Variants in BLTP1 observed in about 807,000 individuals in gnomAD.
BLTP1 encodes the protein fragile site-associated protein.
At chr4:122,250,080 TTA>T in the BLTP1 span, 1 of 767,136 alleles carries the variant, frequency 1.3e-6, no homozygotes, top group East Asian at 1.3e-4. Flanking sequence ...ATTTGCTTTT[TTA>T]TATATTCTTG....
chr4:122,207,630 T>G, the BLTP1 span: 1 of 1,597,468 alleles, frequency 6.3e-7, no homozygotes, highest in Admixed American at 1.7e-5. Flanking sequence ...TACCAAGTTC[T>G]CTTTAAGAGT....
chr4:122,353,738 GCT>G, the BLTP1 span: 1 of 1,487,256 alleles, frequency 6.7e-7, no homozygotes, highest in Non-Finnish European at 9.1e-7. This position sits in a 1 kb window ranked among gnomAD's most constrained non-coding sequence, Gnocchi z 4.3. Context: ...TGAATTTATA[GCT>G]CTGAGGCCAC....
chr4:122,174,162 T>TA, the BLTP1 span: 1 of 981,830 alleles, frequency 1.0e-6, no homozygotes. Flanking sequence ...TGAGTACCTT[T>TA]TAGTCGACAT....
At chr4:122,252,547 A>G in the BLTP1 span, among the ~76,000 whole-genome samples, 1 of 152,172 alleles carries the variant, frequency 6.6e-6, no homozygotes, top group East Asian at 1.9e-4. Flanking sequence ...GGTGGTGGCC[A>G]TGGGGTAAGG....
the BLTP1 span, chr4:122,276,808 G>A: frequency 2.1e-6 from 2 of 974,122 alleles, no homozygotes; most frequent in South Asian, 4.8e-5. Flanking sequence ...CTAGTAATTG[G>A]TTTTGAATTT....
At chr4:122,174,728 T>C in the BLTP1 span, 1 of 1,149,534 alleles carries the variant, frequency 8.7e-7, no homozygotes, top group Non-Finnish European at 1.2e-6. Context: ...TTTATGATAT[T>C]TTATTGAATG....
the BLTP1 span, among the ~76,000 whole-genome samples, chr4:122,161,686 A>G: frequency 6.6e-6 from 1 of 152,026 alleles, no homozygotes; most frequent in Non-Finnish European, 1.5e-5. Flanking sequence ...CAGCCTCCCA[A>G]AGTGCTGGGA....
the BLTP1 span, among the ~76,000 whole-genome samples, chr4:122,213,798 C>T: frequency 6.6e-6 from 1 of 152,080 alleles, no homozygotes; most frequent in Non-Finnish European, 1.5e-5. Context: ...TAACTGTCAG[C>T]CCAAAGTCAT....
At chr4:122,220,208 T>C in the BLTP1 span, 482 of 1,015,760 alleles carry the variant, frequency 4.7e-4, no homozygotes, top group Non-Finnish European at 6.3e-4. Flanking sequence ...TTCTCAGTAA[T>C]CATAGTTTCT....
chr4:122,163,746 A>T, the BLTP1 span, among the ~76,000 whole-genome samples: 1 of 152,212 alleles, frequency 6.6e-6, no homozygotes, highest in Non-Finnish European at 1.5e-5. Context: ...CCACAATCAC[A>T]CAGCTATAAT....
chr4:122,271,040 C>T, the BLTP1 span: 2 of 1,607,754 alleles, frequency 1.2e-6, no homozygotes, highest in Non-Finnish European at 8.5e-7. Flanking sequence ...GAATCTTCCT[C>T]CACTTGAGTT....
the BLTP1 span, among the ~76,000 whole-genome samples, chr4:122,280,633 A>G: frequency 6.7e-6 from 1 of 150,196 alleles, no homozygotes; most frequent in Admixed American, 6.7e-5. Flanking sequence ...ATTGCACTCC[A>G]GCCTGGGCAA....
the BLTP1 span, chr4:122,243,772 C>A: frequency 7.3e-7 from 1 of 1,372,878 alleles, no homozygotes; most frequent in Non-Finnish European, 9.5e-7. Context: ...GTAATGAATG[C>A]ATGTGTTCAC....
the BLTP1 span, chr4:122,344,677 T>C: frequency 2.6e-6 from 3 of 1,147,900 alleles, no homozygotes; most frequent in Non-Finnish European, 3.7e-6. Context: ...CAGTGATAAG[T>C]TGATATAAAG....
the BLTP1 span, chr4:122,167,889 G>C: frequency 1.0e-6 from 1 of 985,324 alleles, no homozygotes; most frequent in Non-Finnish European, 1.2e-6. Context: ...TTTGTATTTT[G>C]TTCCACCGTT....
At chr4:122,229,323 A>G in the BLTP1 span, 1 of 1,118,618 alleles carries the variant, frequency 8.9e-7, no homozygotes, top group Non-Finnish European at 1.2e-6. Flanking sequence ...ACACACATTT[A>G]TAGTTTGTCA....
chr4:122,274,842 C>T, the BLTP1 span, among the ~76,000 whole-genome samples: 3 of 151,970 alleles, frequency 2.0e-5, no homozygotes. Flanking sequence ...CCTAGATTGA[C>T]TAAGAAGTAT....
chr4:122,355,777 T>G, the BLTP1 span: 2 of 1,579,376 alleles, frequency 1.3e-6, no homozygotes, highest in Non-Finnish European at 1.7e-6. Flanking sequence ...TGACTCTCTC[T>G]TTATCATTAT....
chr4:122,241,540 C>T, the BLTP1 span, among the ~76,000 whole-genome samples: 1 of 152,114 alleles, frequency 6.6e-6, no homozygotes, highest in East Asian at 1.9e-4. Context: ...GTGCAAGAAA[C>T]GACCAGGGCT....
Sources: allele counts gnomAD v4.1 joint callset (sites outside exome capture counted in the v4.1 genomes callset), GRCh38; gene constraint gnomAD v4.1.1; non-coding constraint Gnocchi (gnomAD v3.1); transcripts MANE v1.5; gene names NCBI Gene and HGNC (gene_info 2026-07-23, HGNC 2026-07-21).